Variants in DSCAM observed in about 807,000 individuals in gnomAD.
DSCAM encodes cell adhesion molecule DSCAM.
DSCAM carries 47 observed loss-of-function variants against 217.7 expected under a neutral mutation model. The ratio of observed to expected loss-of-function variants is 0.22; its 90% confidence interval spans 0.17 to 0.28. DSCAM has a LOEUF of 0.28. Among genes scored for constraint, DSCAM ranks in the 10% least tolerant of loss-of-function variants. The pLI is 1.00. For synonymous variants in DSCAM, 1,056 were observed against 1,015.3 expected (o/e 1.04, Z -0.76); for missense variants, 2,080 against 2,618.3 (o/e 0.79, Z 4.49).
At chr21:40,621,387 G>A (rs1167048302) in intron 3 of DSCAM, 1 of 152,142 alleles carries the variant, frequency 6.6e-6, no homozygotes, top group Non-Finnish European at 1.5e-5. Context: ...TATCACATGA[G>A]GTGAGATTTC....
chr21:40,117,937 C>T (rs1236106024), intron 20 of DSCAM, among the ~76,000 whole-genome samples: 1 of 129,656 alleles, frequency 7.7e-6, no homozygotes, highest in African/African-American at 3.0e-5. Context: ...GTAAGAAAAA[C>T]CCAATACGTG....
intron 3 of DSCAM, among the ~76,000 whole-genome samples, chr21:40,574,496 A>G (rs1415509032): frequency 6.6e-6 from 1 of 152,224 alleles, no homozygotes; most frequent in Non-Finnish European, 1.5e-5. Context: ...CATTTACAGA[A>G]GATATACAAA....
Position 40,349,668 on chromosome 21 carries a change from C to G in DSCAM, c.935-1723G>C, listed in dbSNP as rs149461686. Among the ~76,000 whole-genome samples the G allele has an allele frequency of 2.0e-3, 304 of 152,158 alleles. 1 individual carries two copies. The highest frequency in any genetic ancestry group is 7.1e-3 in the African/African-American group (295 of 41,496). On this transcript the variant is annotated intron_variant, in intron 5 of 32. Coordinates refer to ENST00000400454, the MANE Select transcript of DSCAM (RefSeq NM_001389.5). Reference sequence around the variant, plus strand: ...CAAAACAGAAAATAGTTATTGAGAGCGCTTAAATAACTCAGCCAAATCCAA... The same window carrying G: ...CAAAACAGAAAATAGTTATTGAGAGGGCTTAAATAACTCAGCCAAATCCAA...
intron 32 of DSCAM, among the ~76,000 whole-genome samples, chr21:40,037,505 C>T (rs62235617): frequency 5.7e-5 from 8 of 139,940 alleles, no homozygotes; most frequent in East Asian, 2.0e-4. Context: ...CACTGCTCAA[C>T]GAAATAAAAG....
At chr21:40,299,414 G>A (rs1390194000) in intron 9 of DSCAM, among the ~76,000 whole-genome samples, 1 of 152,108 alleles carries the variant, frequency 6.6e-6, no homozygotes, top group African/African-American at 2.4e-5. Context: ...AGAACTCTAA[G>A]ACTGGGAACA....
intron 1 of DSCAM, among the ~76,000 whole-genome samples, chr21:40,781,992 C>CAAAA (rs57750960): frequency 0.03 from 3,177 of 106,288 alleles, 137 homozygotes; most frequent in South Asian, 0.039. Flanking sequence ...ACTAAAAATA[C>CAAAA]AAAAAAAAAA....
intron 3 of DSCAM, among the ~76,000 whole-genome samples, chr21:40,410,524 A>G (rs1291543345): frequency 1.3e-5 from 2 of 152,186 alleles, no homozygotes; most frequent in East Asian, 3.8e-4. Context: ...CACAGATGCA[A>G]TAAGTACCGT....
At position 40,014,080 on chromosome 21, in the gene DSCAM, C is replaced by T. The variant is rs187592756; in HGVS notation, c.5687-694G>A. On this transcript the variant is annotated intron_variant, in intron 32 of 32. Transcript: ENST00000400454. ...TTCTGTGGTGCCACGCAAACATAACCTCAGGTCTCCTTCAAGAGCATCTGC... is the reference window on the plus strand; with the variant it reads ...TTCTGTGGTGCCACGCAAACATAACTTCAGGTCTCCTTCAAGAGCATCTGC... Among the ~76,000 whole-genome samples, 17 of 152,364 alleles carry T rather than the reference C, an allele frequency of 1.1e-4. No individual in the cohort carries two copies. The East Asian group carries it at 3.3e-3, about 29-fold the overall frequency.
chr21:40,414,495 C>T (rs530895547), intron 3 of DSCAM, among the ~76,000 whole-genome samples: 1 of 152,304 alleles, frequency 6.6e-6, no homozygotes, highest in South Asian at 2.1e-4. Context: ...GACAACTAAA[C>T]TTTTCAACTA....
chr21:40,580,494 C>G (rs950517049), intron 3 of DSCAM, among the ~76,000 whole-genome samples: 1 of 151,752 alleles, frequency 6.6e-6, no homozygotes, highest in Admixed American at 6.6e-5. Context: ...GATGGTGCCA[C>G]TGCACTACAG....
chr21:40,837,610 C>T lies in DSCAM; in HGVS notation c.43+9009G>A, dbSNP rs578053197. The stretch of plus-strand genomic sequence containing the variant: ...TAAGGACCCGGATAGAGGTTGCTAA[C>T]TTGGGCTGCCAACTTAAACAACTTG... On this transcript the variant is annotated intron_variant, in intron 1 of 32. Transcript: ENST00000400454. Among the ~76,000 whole-genome samples, 11 of 152,348 alleles carry T rather than the reference C, an allele frequency of 7.2e-5. No individual in the cohort carries two copies. In the East Asian group the frequency reaches 1.9e-3, roughly 27 times the overall value.
chr21:40,548,863 G>A (rs950144372), intron 3 of DSCAM, among the ~76,000 whole-genome samples: 2 of 152,130 alleles, frequency 1.3e-5, no homozygotes, highest in Non-Finnish European at 2.9e-5. Context: ...GTGGCCCAAA[G>A]AATTAAAAAT....
chr21:40,645,402 T>G (rs9982430), intron 3 of DSCAM, among the ~76,000 whole-genome samples: 2 of 151,888 alleles, frequency 1.3e-5, no homozygotes, highest in Admixed American at 6.6e-5. Context: ...TGATGATACA[T>G]AAAGATGAAA....
At chr21:40,839,684 C>T (rs1016214831) in intron 1 of DSCAM, among the ~76,000 whole-genome samples, 2 of 151,738 alleles carry the variant, frequency 1.3e-5, no homozygotes, top group African/African-American at 2.4e-5. Context: ...AGAGCTGGGA[C>T]GTTAGGGGAA....
Position 40,011,501 on chromosome 21 carries a change from T to C in DSCAM, c.*1533A>G, listed in dbSNP as rs1460476024. 2.0e-5 allele frequency: 3 copies of C among 152,210 alleles called. No homozygotes were observed. The highest frequency in any genetic ancestry group is 4.8e-5 in the African/African-American group (2 of 41,458). The allele number at this position is 152,210 out of a possible 1,614,324, so 9.4% of individuals were successfully genotyped here. The stretch of plus-strand genomic sequence containing the variant: ...CTGAGCAGCTGTGGATATTTGATCA[T>C]GTTTTCTGGTTAATGCCAAATCTCT... On this transcript the variant is annotated 3_prime_UTR_variant, in exon 33 of 33. Coordinates refer to ENST00000400454, the MANE Select transcript of DSCAM (RefSeq NM_001389.5).
chr21:40,602,520 G>C lies in DSCAM; in HGVS notation c.508+90290C>G, dbSNP rs914560872. On this transcript the variant is annotated intron_variant, in intron 3 of 32. Coordinates refer to ENST00000400454, the MANE Select transcript of DSCAM (RefSeq NM_001389.5). The stretch of plus-strand genomic sequence containing the variant: ...TCTTTCATTGATATAGGCCCATTCA[G>C]AATATCTGTTTCTCCTTATACAAAT... Among the ~76,000 whole-genome samples the C allele has an allele frequency of 2.6e-5, 4 of 152,110 alleles. No homozygotes were observed. In the South Asian group the frequency reaches 8.3e-4, roughly 32 times the overall value.
intron 3 of DSCAM, among the ~76,000 whole-genome samples, chr21:40,627,223 G>T (rs545955561): frequency 6.6e-6 from 1 of 152,182 alleles, no homozygotes; most frequent in Non-Finnish European, 1.5e-5. Flanking sequence ...AGAAGTGAAT[G>T]CAAAGAACTA....
chr21:40,735,340 C>T (rs187821818), intron 1 of DSCAM, among the ~76,000 whole-genome samples: 55 of 152,270 alleles, frequency 3.6e-4, no homozygotes, highest in Admixed American at 2.2e-3. Context: ...AGTTAAGGAA[C>T]GTATACAATT....
chr21:40,200,065 T>C (rs1261362502), intron 11 of DSCAM, among the ~76,000 whole-genome samples: 3 of 151,714 alleles, frequency 2.0e-5, no homozygotes, highest in South Asian at 4.2e-4. Context: ...ATTGGTCATT[T>C]TGGTCACTTT....
Sources: allele counts gnomAD v4.1 joint callset (sites outside exome capture counted in the v4.1 genomes callset), GRCh38; gene constraint gnomAD v4.1.1; transcripts MANE v1.5; gene names NCBI Gene and HGNC (gene_info 2026-07-23, HGNC 2026-07-21).